The following MGMT variants were observed in gnomAD, a reference collection of about 807,000 sequenced individuals.
MGMT encodes methylated-DNA--protein-cysteine methyltransferase.
MGMT carries 14 observed loss-of-function variants against 15.9 expected under a neutral mutation model. That is an observed-to-expected ratio of 0.88 (90% CI 0.58 to 1.37). The LOEUF is 1.37. Ranked by LOEUF, MGMT falls within the 40% of genes most tolerant of loss-of-function variation. The pLI, the probability that MGMT is intolerant of heterozygous loss-of-function variation, is 0.00. For synonymous variants in MGMT, 130 were observed against 118.2 expected, an observed-to-expected ratio of 1.10 and a Z score of -0.65; for missense variants, 282 against 268.1, an observed-to-expected ratio of 1.05 and a Z score of -0.36.
chr10:129,676,938 G>A (rs1307394229), intron 2 of MGMT, among the ~76,000 whole-genome samples: 4 of 152,130 alleles, frequency 2.6e-5, no homozygotes. Flanking sequence ...ATTAATTGGA[G>A]TCCTCAAGGT....
intron 3 of MGMT, among the ~76,000 whole-genome samples, chr10:129,736,575 T>G (rs559375022): frequency 6.6e-6 from 1 of 151,370 alleles, no homozygotes; most frequent in African/African-American, 2.4e-5. Context: ...AAAGTTAATA[T>G]TGTTATGTGT....
intron 2 of MGMT, among the ~76,000 whole-genome samples, chr10:129,551,632 T>C (rs1260476855): frequency 6.6e-6 from 1 of 152,238 alleles, no homozygotes; most frequent in Non-Finnish European, 1.5e-5. Flanking sequence ...TGATATTCTA[T>C]CTCTGTAAGT....
At chr10:129,685,440 C>T (rs899870175) in intron 2 of MGMT, among the ~76,000 whole-genome samples, 6 of 152,170 alleles carry the variant, frequency 3.9e-5, no homozygotes, top group Admixed American at 2.0e-4. Flanking sequence ...GTGCCTTTAA[C>T]GTCTCCGCTG....
At chr10:129,497,861 A>G (rs1374555297) in intron 1 of MGMT, among the ~76,000 whole-genome samples, 1 of 152,152 alleles carries the variant, frequency 6.6e-6, no homozygotes, top group Non-Finnish European at 1.5e-5. Flanking sequence ...CTCTCTGTGA[A>G]CCAGGAAGAG....
chr10:129,469,639 C>CT (rs1304151736), intron 1 of MGMT, among the ~76,000 whole-genome samples: 1 of 152,180 alleles, frequency 6.6e-6, no homozygotes, highest in Admixed American at 6.5e-5. Context: ...TCCTGACCCT[C>CT]TGTTTCCTGG....
intron 2 of MGMT, among the ~76,000 whole-genome samples, chr10:129,539,303 A>AT (rs1283616956): frequency 1.3e-5 from 2 of 151,878 alleles, no homozygotes; most frequent in Admixed American, 6.5e-5. Context: ...TACAGAGTTT[A>AT]TTTTTTCCCT....
chr10:129,687,457 G>T lies in MGMT; in HGVS notation c.126-20438G>T, dbSNP rs183193543. On this transcript the variant is annotated intron_variant, in intron 2 of 4. Coordinates refer to ENST00000651593, the MANE Select transcript of MGMT (RefSeq NM_002412.5). ...AGAAAGCTCTCTGGTGCACAGGGGG[G>T]ACCCAGAAGAGGGTTGCTGTTTTTA... Among the ~76,000 whole-genome samples, 31 of 152,306 alleles carry T rather than the reference G, an allele frequency of 2.0e-4. 1 individual carries two copies. The highest frequency in any genetic ancestry group is 1.8e-3 in the Admixed American group (27 of 15,300).
rs140972577 is a variant in MGMT, at chr10:129,682,854, TTTTG to T, written c.126-25038_126-25035del. On this transcript the variant is annotated intron_variant, in intron 2 of 4. Coordinates refer to ENST00000651593, the MANE Select transcript of MGMT (RefSeq NM_002412.5). ...AATTTGTGCCTTTTACATACCAGTTTTTTGTTGTTTTTGAGACGGAGTTTCACTC... is the reference window on the plus strand; with the variant it reads ...AATTTGTGCCTTTTACATACCAGTTTTTGTTTTTGAGACGGAGTTTCACTC... Among the ~76,000 whole-genome samples, 564 of 152,320 alleles carry T rather than the reference TTTTG, an allele frequency of 3.7e-3. 6 individuals are homozygous for T. The highest frequency in any genetic ancestry group is 0.013 in the African/African-American group (554 of 41,564).
At chr10:129,634,688 T>C (rs773453688) in intron 2 of MGMT, among the ~76,000 whole-genome samples, 9 of 152,050 alleles carry the variant, frequency 5.9e-5, no homozygotes, top group South Asian at 2.1e-4. Context: ...TCTTTGGATC[T>C]TTTTTTTACT....
Position 129,477,767 on chromosome 10 carries a change from A to G in MGMT, c.-13+10471A>G, listed in dbSNP as rs138573064. ...TAAGCCCCCAGTCTGGTATTTTGTT[A>G]CGGCAGCCCAGGCAAACCAATATAT... On this transcript the variant is annotated intron_variant, in intron 1 of 4. Coordinates refer to ENST00000651593, the MANE Select transcript of MGMT (RefSeq NM_002412.5). 7.9e-5 allele frequency among the ~76,000 whole-genome samples: 12 copies of G among 152,300 alleles called. No homozygotes were observed. The East Asian group carries it at 1.9e-3, about 25-fold the overall frequency.
chr10:129,646,038 T>C (rs2133093409), intron 2 of MGMT, among the ~76,000 whole-genome samples: 2 of 152,272 alleles, frequency 1.3e-5, no homozygotes, highest in East Asian at 3.9e-4. Flanking sequence ...GCTTGGCACT[T>C]ACTAATAGCA....
chr10:129,627,752 A>T (rs1022213522), intron 2 of MGMT, among the ~76,000 whole-genome samples: 7 of 152,188 alleles, frequency 4.6e-5, no homozygotes, highest in African/African-American at 1.7e-4. Flanking sequence ...GCTGTTATAT[A>T]TTTTATAGAC....
intron 2 of MGMT, among the ~76,000 whole-genome samples, chr10:129,558,770 C>G (rs1412459991): frequency 4.6e-5 from 7 of 152,188 alleles, no homozygotes; most frequent in Admixed American, 4.6e-4. Flanking sequence ...CATTTTCATT[C>G]TTTTGTGAAA....
At chr10:129,580,192 C>T (rs772015889) in intron 2 of MGMT, among the ~76,000 whole-genome samples, 5 of 152,074 alleles carry the variant, frequency 3.3e-5, no homozygotes, top group African/African-American at 9.7e-5. Context: ...CAGGTGGCAT[C>T]GTGGGAGAAG....
chr10:129,751,548 C>T (rs1848750680), intron 3 of MGMT, among the ~76,000 whole-genome samples: 1 of 150,550 alleles, frequency 6.6e-6, no homozygotes, highest in South Asian at 2.1e-4. Context: ...TATTTCCTTT[C>T]TGGTTGTTTT....
At chr10:129,496,029 A>G (rs924855983) in intron 1 of MGMT, among the ~76,000 whole-genome samples, 3 of 152,282 alleles carry the variant, frequency 2.0e-5, no homozygotes, top group South Asian at 4.1e-4. Flanking sequence ...CCCCCTGCAC[A>G]CAGCTGTCTT....
intron 2 of MGMT, among the ~76,000 whole-genome samples, chr10:129,582,839 T>G (rs1019832105): frequency 6.6e-6 from 1 of 152,202 alleles, no homozygotes; most frequent in African/African-American, 2.4e-5. Context: ...GACTTCATAT[T>G]GACTGCAGGC....
chr10:129,537,093 AT>A (rs1845994137), intron 2 of MGMT: 1 of 151,918 alleles, frequency 6.6e-6, no homozygotes, highest in Admixed American at 6.6e-5. Context: ...GTAACATTTA[AT>A]TTCCTCCGTT....
chr10:129,530,865 C>G (rs1329610984), intron 1 of MGMT, among the ~76,000 whole-genome samples: 2 of 152,228 alleles, frequency 1.3e-5, no homozygotes, highest in Non-Finnish European at 2.9e-5. Flanking sequence ...GGGGCCCCTC[C>G]CCATAGTTCA....
Sources: allele counts gnomAD v4.1 joint callset (sites outside exome capture counted in the v4.1 genomes callset), GRCh38; gene constraint gnomAD v4.1.1; transcripts MANE v1.5; gene names NCBI Gene and HGNC (gene_info 2026-07-23, HGNC 2026-07-21).